ATG7: variants seen among roughly 807,000 people sequenced by gnomAD.
ATG7 encodes autophagy related 7, also known as ubiquitin-like modifier-activating enzyme ATG7.
A neutral mutation model predicts 82.4 loss-of-function variants in ATG7; 70 were observed. That is an observed-to-expected ratio of 0.85 (90% CI 0.70 to 1.04). ATG7 has a LOEUF of 1.04. Ranked by LOEUF, ATG7 falls within the 50% of genes least tolerant of loss-of-function variation. The pLI, the probability that ATG7 is intolerant of heterozygous loss-of-function variation, is 0.00. For synonymous variants in ATG7, 287 were observed against 313.0 expected, an observed-to-expected ratio of 0.92 and a Z score of 0.88; for missense variants, 792 against 864.3, an observed-to-expected ratio of 0.92 and a Z score of 1.05.
At chr3:11,490,250 T>A (rs1315043313) in intron 20 of ATG7, among the ~76,000 whole-genome samples, 25 of 152,212 alleles carry the variant, frequency 1.6e-4, no homozygotes. Context: ...TCTCTTTTGA[T>A]CTTTGTTGGT....
intron 19 of ATG7, among the ~76,000 whole-genome samples, chr3:11,383,852 A>G (rs2078110507): frequency 6.6e-6 from 1 of 152,208 alleles, no homozygotes; most frequent in South Asian, 2.1e-4. Context: ...TAGAACCTTC[A>G]GTTCCTATTT....
chr3:11,536,729 C>T (rs368733239), intron 20 of ATG7, among the ~76,000 whole-genome samples: 6 of 152,114 alleles, frequency 3.9e-5, no homozygotes, highest in African/African-American at 9.7e-5. Flanking sequence ...GGCCGAGCAG[C>T]GAAGGACCAC....
At chr3:11,454,720 C>G (rs1162369716) in intron 20 of ATG7, among the ~76,000 whole-genome samples, 2 of 152,220 alleles carry the variant, frequency 1.3e-5, no homozygotes, top group Non-Finnish European at 1.5e-5. Context: ...TTCAATCTAC[C>G]TAACATCTAG....
intron 7 of ATG7, 146 bp from the exon 8 acceptor site, chr3:11,313,158 G>T: frequency 2.0e-6 from 1 of 491,608 alleles, no homozygotes; most frequent in East Asian, 3.2e-5. Flanking sequence ...GAGTTCTGTT[G>T]GGGATGAGGA....
intron 19 of ATG7, among the ~76,000 whole-genome samples, chr3:11,389,633 A>G (rs936850955): frequency 6.6e-6 from 1 of 152,200 alleles, no homozygotes; most frequent in Non-Finnish European, 1.5e-5. Context: ...GGGAGAATAC[A>G]CATGAGCAAG....
At chr3:11,341,636 G>A (rs1953650475) in intron 12 of ATG7, among the ~76,000 whole-genome samples, 1 of 151,672 alleles carries the variant, frequency 6.6e-6, no homozygotes, top group African/African-American at 2.4e-5. Context: ...TTAGTAGAGA[G>A]AGGGTTTTAC....
At chr3:11,473,893 C>T (rs2153020285) in intron 20 of ATG7, among the ~76,000 whole-genome samples, 1 of 152,360 alleles carries the variant, frequency 6.6e-6, no homozygotes, top group Non-Finnish European at 1.5e-5. Flanking sequence ...AGCGAGCCCT[C>T]AATTTCTGTG....
chr3:11,541,066 AT>A (rs781248177), intron 20 of ATG7, among the ~76,000 whole-genome samples: 45 of 151,750 alleles, frequency 3.0e-4, no homozygotes, highest in Middle Eastern at 3.4e-3. Context: ...CACCTGGCTA[AT>A]TTTTTTGTAT....
At chr3:11,463,044 C>T (rs1156600363) in intron 20 of ATG7, among the ~76,000 whole-genome samples, 1 of 151,970 alleles carries the variant, frequency 6.6e-6, no homozygotes, top group Non-Finnish European at 1.5e-5. Flanking sequence ...TGCAATCATG[C>T]CCAGCTAATT....
chr3:11,291,421 T>C (rs913439655), intron 3 of ATG7, among the ~76,000 whole-genome samples: 2 of 152,208 alleles, frequency 1.3e-5, no homozygotes, highest in Non-Finnish European at 2.9e-5. Context: ...CAGTGTAATA[T>C]AGTGACGAGA....
intron 20 of ATG7, among the ~76,000 whole-genome samples, chr3:11,438,265 C>T (rs1352890056): frequency 9.2e-5 from 14 of 152,168 alleles, no homozygotes. Context: ...GTGGTTCCCA[C>T]CCATCCTCCA....
rs2072538755 is a variant in ATG7, at chr3:11,557,408, ACACAAACCC to A, written c.*2569_*2577del. ...TTTCTGCATGTAGGGAAGTTGGAAG[ACACAAACCC>A]CACCTCCCCTGGGAGCTTGTAACAA... On this transcript the variant is annotated 3_prime_UTR_variant, in exon 21 of 21. Coordinates refer to ENST00000693202, the MANE Select transcript of ATG7 (RefSeq NM_001349232.2). 1 of 152,776 alleles carries A rather than the reference ACACAAACCC, an allele frequency of 6.5e-6. No individual in the cohort carries two copies. The highest frequency in any genetic ancestry group is 2.4e-5 in the African/African-American group (1 of 41,454). 9.5% of individuals were successfully genotyped at this position (152,776 alleles called of 1,614,324 possible). A position where few individuals can be genotyped will look rare whatever the true frequency, so the allele number is the denominator to read the frequency against.
At chr3:11,309,716 G>T (rs1221792904) in intron 7 of ATG7, among the ~76,000 whole-genome samples, 1 of 152,006 alleles carries the variant, frequency 6.6e-6, no homozygotes, top group Non-Finnish European at 1.5e-5. Context: ...GTTATACACA[G>T]GCACGTGCAC....
intron 3 of ATG7, among the ~76,000 whole-genome samples, chr3:11,289,980 T>G (rs1944701300): frequency 6.6e-6 from 1 of 152,162 alleles, no homozygotes; most frequent in Admixed American, 6.5e-5. Context: ...CTTCTATAAA[T>G]AACGTTTGTA....
chr3:11,487,137 G>A (rs1425901124), intron 20 of ATG7, among the ~76,000 whole-genome samples: 1 of 146,968 alleles, frequency 6.8e-6, no homozygotes, highest in Non-Finnish European at 1.5e-5. Context: ...GTTTCAGAGA[G>A]CACAGGGTTG....
Position 11,488,353 on chromosome 3 carries a change from C to G in ATG7, c.2079+61427C>G. 6.9e-6 allele frequency: 5 copies of G among 726,096 alleles called. No homozygotes were observed. In the South Asian group the frequency reaches 1.7e-4, roughly 25 times the overall value. 45.0% of individuals were successfully genotyped at this position (726,096 alleles called of 1,614,324 possible). On this transcript the variant is annotated intron_variant, in intron 20 of 20. Transcript: ENST00000693202. Reference sequence around the variant, plus strand: ...GTCCGCTCCTCCAGCCGCTGCCTCCCGGGCGGCACTCGCCGGCGCGGCGGC... The same window carrying G: ...GTCCGCTCCTCCAGCCGCTGCCTCCGGGGCGGCACTCGCCGGCGCGGCGGC...
At chr3:11,541,067 T>G (rs1390098804) in intron 20 of ATG7, among the ~76,000 whole-genome samples, 1 of 151,768 alleles carries the variant, frequency 6.6e-6, no homozygotes, top group East Asian at 1.9e-4. Context: ...ACCTGGCTAA[T>G]TTTTTTGTAT....
At chr3:11,479,390 T>G (rs967643950) in intron 20 of ATG7, among the ~76,000 whole-genome samples, 8 of 152,178 alleles carry the variant, frequency 5.3e-5, no homozygotes, top group African/African-American at 1.7e-4. Context: ...AGAGTTTTTC[T>G]TGGAAAGGCC....
intron 12 of ATG7, 57 bp from the exon 13 acceptor site, chr3:11,342,078 C>T: frequency 6.7e-7 from 1 of 1,496,138 alleles, no homozygotes. Context: ...TGAAATCTTT[C>T]AGAACAAGAT....
Sources: gnomAD v4.1 joint callset for allele counts (sites outside exome capture counted in the v4.1 genomes callset) on GRCh38, gnomAD v4.1.1 for gene constraint, MANE v1.5 for transcripts, NCBI Gene and HGNC (gene_info 2026-07-23, HGNC 2026-07-21) for gene names.